SNX29: variants seen among roughly 807,000 people sequenced by gnomAD.
SNX29 encodes sorting nexin 29, also known as sorting nexin-29.
SNX29 carries 78 observed loss-of-function variants against 102.1 expected under a neutral mutation model. The ratio of observed to expected loss-of-function variants is 0.76; its 90% CI spans 0.64 to 0.92. The LOEUF is 0.92. SNX29 is among the 40% of genes least tolerant of loss of function. The probability of loss-of-function intolerance (pLI) is 0.00; values close to 1 mark genes in which losing one functional copy is unlikely to be tolerated. For missense variants in SNX29, 1,280 were observed against 1,061.7 expected, an observed-to-expected ratio of 1.21 and a Z score of -2.86; for synonymous variants, 580 against 414.5, an observed-to-expected ratio of 1.40 and a Z score of -4.85.
chr16:12,196,067 C>G (rs1219944620), intron 13 of SNX29, among the ~76,000 whole-genome samples: 1 of 151,298 alleles, frequency 6.6e-6, no homozygotes, highest in Non-Finnish European at 1.5e-5. Flanking sequence ...CCTCCACCTC[C>G]CCGGCTCAAA....
intron 18 of SNX29, among the ~76,000 whole-genome samples, chr16:12,444,842 G>GTTTTTTTTTTTT (rs34218008): frequency 7.5e-6 from 1 of 132,606 alleles, no homozygotes; most frequent in Non-Finnish European, 1.6e-5. Flanking sequence ...GTTTTTTTTT[G>GTTTTTTTTTTTT]TTTTTTTTTT....
intron 20 of SNX29, among the ~76,000 whole-genome samples, chr16:12,555,273 C>G (rs911115825): frequency 2.5e-4 from 38 of 151,382 alleles, no homozygotes; most frequent in African/African-American, 8.5e-4. Context: ...AGGGTATGAC[C>G]TCCCAGAGAG....
rs34221283 is a variant in SNX29, at chr16:12,066,980, A to AAAATAAAT, written c.1244-2030_1244-2023dup. Among the ~76,000 whole-genome samples, 407 of 133,746 alleles carry AAAATAAAT rather than the reference A, an allele frequency of 3.0e-3. 3 individuals are homozygous for AAAATAAAT. The highest frequency in any genetic ancestry group is 7.9e-3 in the African/African-American group (279 of 35,336). 87.7% of individuals were successfully genotyped at this position (133,746 alleles called of 152,430 possible). On this transcript the variant is annotated intron_variant, in intron 9 of 20. Transcript: ENST00000566228. ...GGCAACATAGTGAGACCGTGTCTCT[A>AAAATAAAT]AAATAAATAAATAAATAAATAAATA...
intron 14 of SNX29, among the ~76,000 whole-genome samples, chr16:12,206,835 A>T (rs1199508079): frequency 3.3e-4 from 14 of 42,992 alleles, no homozygotes; most frequent in Non-Finnish European, 6.8e-4. Flanking sequence ...TTTTTTTTTT[A>T]AAGCTTCCCA....
intron 18 of SNX29, chr16:12,442,945 A>C: frequency 2.2e-6 from 1 of 451,868 alleles, no homozygotes; most frequent in Non-Finnish European, 4.4e-6. Context: ...TGAATTTCAT[A>C]TACTTTGCCC....
At chr16:12,008,437 T>C (rs2056531532) in intron 3 of SNX29, among the ~76,000 whole-genome samples, 1 of 151,702 alleles carries the variant, frequency 6.6e-6, no homozygotes, top group Admixed American at 6.6e-5. Context: ...GCCTGGCTAA[T>C]TTTGTATTTT....
At chr16:12,452,225 T>C (rs933149097) in intron 18 of SNX29, among the ~76,000 whole-genome samples, 14 of 152,080 alleles carry the variant, frequency 9.2e-5, no homozygotes, top group African/African-American at 3.4e-4. Context: ...CCAGGGGTGG[T>C]TTTGTTTTGT....
chr16:12,315,620 TC>T (rs2080707179), intron 15 of SNX29, among the ~76,000 whole-genome samples: 2 of 152,142 alleles, frequency 1.3e-5, no homozygotes, highest in Non-Finnish European at 2.9e-5. Flanking sequence ...AAGATGGTCA[TC>T]TGCAAGCCGT....
At chr16:12,237,016 G>T (rs939479963) in intron 14 of SNX29, among the ~76,000 whole-genome samples, 1 of 152,188 alleles carries the variant, frequency 6.6e-6, no homozygotes, top group African/African-American at 2.4e-5. Flanking sequence ...TGGACCTCCG[G>T]CTGGCTGGGT....
At chr16:12,246,018 G>A (rs1014021304) in intron 14 of SNX29, among the ~76,000 whole-genome samples, 2 of 152,154 alleles carry the variant, frequency 1.3e-5, no homozygotes, top group African/African-American at 4.8e-5. Flanking sequence ...GTCAACAAAA[G>A]GTTAACATCC....
intron 18 of SNX29, among the ~76,000 whole-genome samples, chr16:12,476,996 G>C (rs7203060): frequency 0.18 from 27,838 of 152,098 alleles, 3,370 homozygotes; most frequent in African/African-American, 0.35. Context: ...GTGGATTGAT[G>C]TCTCTCCTGC....
chr16:12,007,174 G>A (rs1008505956), intron 3 of SNX29, among the ~76,000 whole-genome samples: 2 of 152,210 alleles, frequency 1.3e-5, no homozygotes, highest in Non-Finnish European at 1.5e-5. Flanking sequence ...CCACCTTCAT[G>A]TTGGAAAGGC....
intron 11 of SNX29, among the ~76,000 whole-genome samples, chr16:12,085,167 T>C (rs937192234): frequency 2.6e-5 from 4 of 152,172 alleles, no homozygotes; most frequent in Non-Finnish European, 4.4e-5. Flanking sequence ...GCATGGCCAG[T>C]GGCTTTGCTT....
intron 14 of SNX29, among the ~76,000 whole-genome samples, chr16:12,250,693 G>A (rs1316215177): frequency 6.6e-6 from 1 of 152,226 alleles, no homozygotes; most frequent in Non-Finnish European, 1.5e-5. Flanking sequence ...GTGCACAGGT[G>A]GTTGAAGCAC....
intron 16 of SNX29, among the ~76,000 whole-genome samples, chr16:12,357,802 C>T (rs542319035): frequency 3.7e-4 from 57 of 152,322 alleles, no homozygotes; most frequent in African/African-American, 1.3e-3. Flanking sequence ...TCATCTCTCT[C>T]TCTCCCCTTC....
At chr16:12,415,826 T>C (rs146840203) in intron 18 of SNX29, among the ~76,000 whole-genome samples, 140 of 152,270 alleles carry the variant, frequency 9.2e-4, no homozygotes, top group Non-Finnish European at 1.3e-3. Flanking sequence ...ATGCCCACTC[T>C]CTCCTATATC....
intron 1 of SNX29, among the ~76,000 whole-genome samples, chr16:11,985,542 G>C (rs185850722): frequency 1.3e-5 from 2 of 152,136 alleles, no homozygotes; most frequent in Non-Finnish European, 2.9e-5. Flanking sequence ...CTCTCTGTTG[G>C]CTTCACCCAC....
chr16:12,448,603 G>A (rs556206741), intron 18 of SNX29, among the ~76,000 whole-genome samples: 68 of 152,144 alleles, frequency 4.5e-4, no homozygotes, highest in African/African-American at 1.4e-3. Context: ...GATGAGAAAA[G>A]AGCAGATGAC....
intron 13 of SNX29, among the ~76,000 whole-genome samples, chr16:12,170,576 TGGA>T (rs1290440028): frequency 6.6e-6 from 1 of 150,858 alleles, no homozygotes; most frequent in Non-Finnish European, 1.5e-5. Context: ...GCTGTGGGGG[TGGA>T]GAAGAATGCT....
Sources: allele counts gnomAD v4.1 joint callset (sites outside exome capture counted in the v4.1 genomes callset), GRCh38; gene constraint gnomAD v4.1.1; transcripts MANE v1.5; gene names NCBI Gene and HGNC (gene_info 2026-07-23, HGNC 2026-07-21).